Variants in BAD observed in about 807,000 individuals in gnomAD.
BAD encodes BCL2 associated agonist of cell death.
A neutral mutation model predicts 17.8 loss-of-function variants in BAD; 18 were observed. The ratio of observed to expected loss-of-function variants is 1.01; its 90% CI spans 0.70 to 1.50. The LOEUF is 1.50. BAD is among the 40% of genes most tolerant of loss of function. BAD has a pLI of 0.00. For missense variants in BAD, 294 were observed against 239.3 expected, an observed-to-expected ratio of 1.23 and a Z score of -1.51; for synonymous variants, 112 against 91.5, an observed-to-expected ratio of 1.22 and a Z score of -1.28.
Position 64,270,016 on chromosome 11 carries a change from C to T in BAD, c.*193G>A. 1 of 1,153,434 alleles carries T rather than the reference C, an allele frequency of 8.7e-7. No individual in the cohort carries two copies. Among genetic ancestry groups the T allele is most frequent in the Non-Finnish European group, 1.2e-6 (1 of 810,692 alleles). The allele number at this position is 1,153,434 out of a possible 1,614,324, so 71.4% of individuals were successfully genotyped here. On this transcript the variant is annotated 3_prime_UTR_variant, in exon 4 of 4. Transcript: ENST00000309032. ...CTTCCGGCGGCTGTGGGCGGAAAAC[C>T]CAAAACTTCCGATGGGACCAAGCCT... is the stretch of plus-strand genomic sequence containing the variant.
chr11:64,283,050 T>A (rs2033595012), intron 2 of BAD, among the ~76,000 whole-genome samples: 1 of 152,078 alleles, frequency 6.6e-6, no homozygotes, highest in Non-Finnish European at 1.5e-5. Context: ...CGAGACCCTG[T>A]CTCAAAACAA....
At chr11:64,281,246 G>GT (rs2033450321) in intron 2 of BAD, among the ~76,000 whole-genome samples, 1 of 152,196 alleles carries the variant, frequency 6.6e-6, no homozygotes, top group Non-Finnish European at 1.5e-5. Context: ...GATTATAGGC[G>GT]TGAGCCACCG....
At chr11:64,272,053 G>A (rs2032671351) in intron 2 of BAD, among the ~76,000 whole-genome samples, 1 of 152,206 alleles carries the variant, frequency 6.6e-6, no homozygotes, top group African/African-American at 2.4e-5. Context: ...AATGGGTGAG[G>A]CCCTGTGCCT....
intron 2 of BAD, among the ~76,000 whole-genome samples, chr11:64,277,208 C>G (rs1315687896): frequency 1.3e-5 from 2 of 152,206 alleles, no homozygotes; most frequent in Admixed American, 6.5e-5. Flanking sequence ...ATGCCGACCA[C>G]ACACAATCTG....
intron 1 of BAD, 55 bp downstream of exon 1, chr11:64,284,576 A>T: frequency 6.7e-7 from 1 of 1,494,210 alleles, no homozygotes; most frequent in Non-Finnish European, 8.9e-7. Context: ...CTCCCCTCAG[A>T]ACCCCGGTGG....
chr11:64,270,603 G>C (rs1299778809), intron 3 of BAD: 1 of 680,588 alleles, frequency 1.5e-6, no homozygotes, highest in African/African-American at 1.8e-5. Flanking sequence ...GCCAGAGCTG[G>C]AGACCTAGCA....
intron 2 of BAD, among the ~76,000 whole-genome samples, chr11:64,278,794 G>C (rs1010380353): frequency 6.6e-6 from 1 of 152,202 alleles, no homozygotes; most frequent in Non-Finnish European, 1.5e-5. Flanking sequence ...CAGCAGGGGG[G>C]CCTGGTGGCA....
Position 64,269,998 on chromosome 11 carries a change from C to T in BAD, c.*211G>A. The T allele has an allele frequency of 3.3e-6, 3 of 913,662 alleles. No homozygotes were observed. Among genetic ancestry groups the T allele is most frequent in the African/African-American group, 1.7e-5 (1 of 59,992 alleles). 56.6% of individuals were successfully genotyped at this position (913,662 alleles called of 1,614,324 possible). On this transcript the variant is annotated 3_prime_UTR_variant, in exon 4 of 4. Transcript: ENST00000309032. ...GGCGGGGCCACGGAGCCACTTCCGG[C>T]GGCTGTGGGCGGAAAACCCAAAACT...
At chr11:64,282,446 A>G (rs751700020) in intron 2 of BAD, among the ~76,000 whole-genome samples, 1 of 152,138 alleles carries the variant, frequency 6.6e-6, no homozygotes, top group Non-Finnish European at 1.5e-5. Flanking sequence ...TACAAAAAAT[A>G]AAAAATGAGC....
Position 64,270,037 on chromosome 11 carries a change from A to T in BAD, c.*172T>A. ...AAACCCAAAACTTCCGATGGGACCA[A>T]GCCTTCCGTGGCTTCACACGCACCG... On this transcript the variant is annotated 3_prime_UTR_variant, in exon 4 of 4. Transcript: ENST00000309032. 7.9e-7 allele frequency: 1 copy of T among 1,258,144 alleles called. No homozygotes were observed. Among genetic ancestry groups the T allele is most frequent in the Non-Finnish European group, 1.1e-6 (1 of 899,294 alleles). 77.9% of individuals were successfully genotyped at this position (1,258,144 alleles called of 1,614,324 possible).
chr11:64,274,695 C>T (rs1051526401), intron 2 of BAD, among the ~76,000 whole-genome samples: 12 of 152,006 alleles, frequency 7.9e-5, no homozygotes, highest in Non-Finnish European at 1.5e-4. Flanking sequence ...GTGGCGCGAG[C>T]CTGTAATCCC....
chr11:64,278,790 G>T (rs893223640), intron 2 of BAD, among the ~76,000 whole-genome samples: 5 of 152,210 alleles, frequency 3.3e-5, no homozygotes, highest in South Asian at 4.1e-4. Context: ...CATCCAGCAG[G>T]GGGGCCTGGT....
At chr11:64,280,423 C>G (rs947167882) in intron 2 of BAD, among the ~76,000 whole-genome samples, 1 of 146,764 alleles carries the variant, frequency 6.8e-6, no homozygotes, top group African/African-American at 2.5e-5. Flanking sequence ...ACCATCTCGG[C>G]TCACTGCAAG....
At chr11:64,282,272 C>G (rs1278782726) in intron 2 of BAD, among the ~76,000 whole-genome samples, 1 of 152,118 alleles carries the variant, frequency 6.6e-6, no homozygotes, top group Non-Finnish European at 1.5e-5. Context: ...AGTTTGTGAG[C>G]AGAAAAATGG....
At chr11:64,274,717 A>G (rs1341387872) in intron 2 of BAD, among the ~76,000 whole-genome samples, 1 of 151,996 alleles carries the variant, frequency 6.6e-6, no homozygotes. Context: ...GCTACTCAGG[A>G]GGCTGAGGCG....
In BAD at chr11:64,271,804, C is replaced by T; in HGVS notation, c.188-1G>A. The T allele has an allele frequency of 7.1e-7, 1 of 1,400,014 alleles. No homozygotes were observed. The highest frequency in any genetic ancestry group is 2.8e-5 in the East Asian group (1 of 35,916). The allele number at this position is 1,400,014 out of a possible 1,614,324, so 86.7% of individuals were successfully genotyped here. A position where few individuals can be genotyped will look rare whatever the true frequency, so the allele number is the denominator to read the frequency against. ...CTCCGGATCTCCACAGCCCCAGCGC[C>T]TGCAGAGGGTCAGTGGGTAGGGGGG... On this transcript the variant is annotated splice_acceptor_variant, in intron 2 of 3. Transcript: ENST00000309032. LOFTEE classifies it high-confidence loss of function.
At chr11:64,278,153 G>C (rs920464526) in intron 2 of BAD, among the ~76,000 whole-genome samples, 1 of 152,048 alleles carries the variant, frequency 6.6e-6, no homozygotes, top group African/African-American at 2.4e-5. Context: ...AATTAGCCAG[G>C]CATGGTGGCG....
At position 64,269,995 on chromosome 11, in the gene BAD, C is replaced by T; in HGVS notation, c.*214G>A. On this transcript the variant is annotated 3_prime_UTR_variant, in exon 4 of 4. Coordinates refer to ENST00000309032, the MANE Select transcript of BAD (RefSeq NM_032989.3). Reference sequence around the variant, plus strand: ...GAGGGCGGGGCCACGGAGCCACTTCCGGCGGCTGTGGGCGGAAAACCCAAA... The same window carrying T: ...GAGGGCGGGGCCACGGAGCCACTTCTGGCGGCTGTGGGCGGAAAACCCAAA... 1.1e-6 allele frequency: 1 copy of T among 910,024 alleles called. No individual in the cohort carries two copies. Among genetic ancestry groups the T allele is most frequent in the Non-Finnish European group, 1.7e-6 (1 of 587,116 alleles). The allele number at this position is 910,024 out of a possible 1,614,324, so 56.4% of individuals were successfully genotyped here.
intron 2 of BAD, among the ~76,000 whole-genome samples, chr11:64,280,165 A>C (rs2033353657): frequency 6.7e-6 from 1 of 149,992 alleles, no homozygotes; most frequent in African/African-American, 2.5e-5. Context: ...AAAACACACA[A>C]AAAAATTAGC....
Sources: gnomAD v4.1 joint callset for allele counts (sites outside exome capture counted in the v4.1 genomes callset) on GRCh38, gnomAD v4.1.1 for gene constraint, MANE v1.5 for transcripts, NCBI Gene and HGNC (gene_info 2026-07-23, HGNC 2026-07-21) for gene names.